Variants in MYH11 observed in about 807,000 individuals in gnomAD.
MYH11 encodes myosin-11.
A neutral mutation model predicts 246.6 loss-of-function variants in MYH11; 80 were observed. The ratio of observed to expected loss-of-function variants is 0.32; its 90% CI spans 0.27 to 0.39. The LOEUF (loss-of-function observed/expected upper bound fraction) is 0.39. Among genes scored for constraint, MYH11 ranks in the 10% least tolerant of loss-of-function variants. The pLI is 1.00. For missense variants in MYH11, 2,158 were observed against 2,546.8 expected (o/e 0.85, Z 3.29); for synonymous variants, 1,071 against 1,015.5 (o/e 1.05, Z -1.04).
At chr16:15,705,613 CTT>C (rs2151163680) in intron 40 of MYH11, among the ~76,000 whole-genome samples, 1 of 152,288 alleles carries the variant, frequency 6.6e-6, no homozygotes, top group Non-Finnish European at 1.5e-5. Flanking sequence ...AGAGAGCAGA[CTT>C]TTGCTCCCCA....
intron 1 of MYH11, among the ~76,000 whole-genome samples, chr16:15,856,573 C>T (rs1414105778): frequency 6.6e-6 from 1 of 151,680 alleles, no homozygotes; most frequent in African/African-American, 2.4e-5. Flanking sequence ...TCCAAGGGAG[C>T]ATATCTCCTG....
At chr16:15,794,956 G>A (rs1228057841) in intron 4 of MYH11, among the ~76,000 whole-genome samples, 2 of 152,166 alleles carry the variant, frequency 1.3e-5, no homozygotes, top group Admixed American at 1.3e-4. Context: ...CATGGGTGCA[G>A]GAAACCATTT....
Position 15,771,682 on chromosome 16 carries a change from T to C in MYH11, c.920A>G (p.Tyr307Cys), listed in dbSNP as rs368906359. ...CACAAAGCCATTGGAGAGGAAGGTG[T>C]AGTTGTTGAAGCCCTCCAAAAGCAA... ...SDLLLEGFNN[Y>C]TFLSNGFVPI... Residue 307 changes from tyrosine to cysteine, a missense_variant, in exon 9 of 41, where the codon TAC becomes TGC. Around this residue, in one of 11 missense-constraint regions of MYH11, gnomAD observed 75 missense variants for 70.0 expected, o/e 1.07. Coordinates refer to ENST00000300036, the MANE Select transcript of MYH11 (RefSeq NM_002474.3). The C allele has an allele frequency of 8.1e-6, 13 of 1,613,874 alleles. No homozygotes were observed. Among genetic ancestry groups the C allele is most frequent in the Non-Finnish European group, 1.0e-5 (12 of 1,179,996 alleles).
intron 9 of MYH11, among the ~76,000 whole-genome samples, chr16:15,769,107 G>A (rs953569041): frequency 1.3e-5 from 2 of 152,200 alleles, no homozygotes; most frequent in African/African-American, 4.8e-5. Context: ...GAGGTCAGGA[G>A]TTTAAGACCA....
At chr16:15,713,668 G>A (rs1466221075) in intron 40 of MYH11, 1 of 152,152 alleles carries the variant, frequency 6.6e-6, no homozygotes, top group Non-Finnish European at 1.5e-5. Flanking sequence ...GCTGATTTTT[G>A]TTTGTTTGTT....
At chr16:15,763,747 A>ACCCCCCCCC in intron 10 of MYH11, 49 bp downstream of exon 10, 4 of 349,142 alleles carry the variant, frequency 1.1e-5, no homozygotes, top group Middle Eastern at 3.8e-4. Flanking sequence ...CACCTCCCCC[A>ACCCCCCCCC]CCCCCCCAAC....
At chr16:15,718,018 A>G (rs1333749702) in intron 37 of MYH11, 2 of 495,396 alleles carry the variant, frequency 4.0e-6, no homozygotes, top group East Asian at 3.8e-5. Flanking sequence ...GCTAGGGGAA[A>G]ACGCAATGAA....
At chr16:15,815,514 G>T (rs1041002487) in intron 3 of MYH11, among the ~76,000 whole-genome samples, 1 of 152,018 alleles carries the variant, frequency 6.6e-6, no homozygotes, top group African/African-American at 2.4e-5. Flanking sequence ...AATGACAAAA[G>T]AAAGAGATTT....
chr16:15,819,478 G>A (rs113640288), intron 3 of MYH11, among the ~76,000 whole-genome samples: 2,020 of 152,030 alleles, frequency 0.013, 46 homozygotes, highest in African/African-American at 0.044. Context: ...GATCAGAGGC[G>A]GCATTAGACT....
rs199979025 is a variant in MYH11 at position 15,732,742 on chromosome 16, G to C, written c.3507-34C>G. On this transcript the variant is annotated intron_variant, in intron 26 of 40. Transcript: ENST00000300036. ...GAGGAACACAGTGAATGGCAGTTGGGTGGAGACAGAGGGTCATCTCAGTGC... is the reference window on the plus strand; with the variant it reads ...GAGGAACACAGTGAATGGCAGTTGGCTGGAGACAGAGGGTCATCTCAGTGC... 1.5e-5 allele frequency: 25 copies of C among 1,613,636 alleles called. No homozygotes were observed. The highest frequency in any genetic ancestry group is 1.6e-4 in the Middle Eastern group (1 of 6,082).
intron 12 of MYH11, among the ~76,000 whole-genome samples, chr16:15,758,331 G>C (rs2041784453): frequency 6.6e-6 from 1 of 152,166 alleles, no homozygotes; most frequent in Non-Finnish European, 1.5e-5. Flanking sequence ...GAGGCGCAGA[G>C]AGAAAGTGAC....
chr16:15,717,656 A>G (rs988399658), intron 37 of MYH11: 10 of 471,730 alleles, frequency 2.1e-5, no homozygotes, highest in African/African-American at 2.0e-4. Flanking sequence ...TTAGCCGGGC[A>G]GTGGTGGCAC....
At position 15,750,049 on chromosome 16, in the gene MYH11, G is replaced by T; in HGVS notation, c.2058+89C>A. ...ATGGAAAATGGGGTCCTCGGGGTAG[G>T]TGGGGGCAGAGGGCGCCCTGGGGAC... is the stretch of plus-strand genomic sequence containing the variant. On this transcript the variant is annotated intron_variant, in intron 16 of 40. Coordinates refer to ENST00000300036, the MANE Select transcript of MYH11 (RefSeq NM_002474.3). The surrounding 1 kb of genome is among the most constrained non-coding windows in gnomAD (Gnocchi z 4.3). 3.3e-6 allele frequency: 5 copies of T among 1,513,696 alleles called. No homozygotes were observed. Among genetic ancestry groups the T allele is most frequent in the African/African-American group, 2.7e-5 (2 of 73,162 alleles). 93.8% of individuals were successfully genotyped at this position (1,513,696 alleles called of 1,614,324 possible).
chr16:15,836,894 T>C (rs1167847726), intron 2 of MYH11, among the ~76,000 whole-genome samples: 1 of 151,874 alleles, frequency 6.6e-6, no homozygotes, highest in Non-Finnish European at 1.5e-5. Flanking sequence ...CTGGCTAATT[T>C]TGGCATTTTT....
chr16:15,718,001 A>G (rs1423037574), intron 37 of MYH11: 4 of 458,082 alleles, frequency 8.7e-6, no homozygotes, highest in South Asian at 2.1e-5. Context: ...ATAAGGTCAG[A>G]GCTTCAGCTA....
At chr16:15,856,134 C>T (rs13338347) in intron 1 of MYH11, among the ~76,000 whole-genome samples, 29,068 of 151,670 alleles carry the variant, frequency 0.19, 3,392 homozygotes, top group East Asian at 0.43. Flanking sequence ...TCTTACCTAA[C>T]GCACCTGCAG....
rs575102350 is a variant in MYH11, at chr16:15,839,146, A to G, written c.-17-877T>C. ...AATCACCTGAGCCTGGGAGGTCAAGATTGCAGTGAGCCAAGATCAAGCCAC... is the reference window on the plus strand; with the variant it reads ...AATCACCTGAGCCTGGGAGGTCAAGGTTGCAGTGAGCCAAGATCAAGCCAC... On this transcript the variant is annotated intron_variant, in intron 1 of 40. Coordinates refer to ENST00000300036, the MANE Select transcript of MYH11 (RefSeq NM_002474.3). Among the ~76,000 whole-genome samples the G allele has an allele frequency of 9.9e-5, 14 of 142,022 alleles. No homozygotes were observed. In the East Asian group the frequency reaches 3.2e-3, roughly 32 times the overall value. 93.2% of individuals were successfully genotyped at this position (142,022 alleles called of 152,430 possible).
rs2041268817 is a variant in MYH11 at position 15,741,447 on chromosome 16, C to T, written c.2859+16G>A. On this transcript the variant is annotated intron_variant, in intron 22 of 40. Coordinates refer to ENST00000300036, the MANE Select transcript of MYH11 (RefSeq NM_002474.3). ...TGATTTGCTACCCACCACGGGCTGC[C>T]CCTGTGACACCTTACCAGCATCTGC... is the stretch of plus-strand genomic sequence containing the variant. The T allele has an allele frequency of 6.2e-7, 1 of 1,605,960 alleles. No individual in the cohort carries two copies. The highest frequency in any genetic ancestry group is 8.5e-7 in the Non-Finnish European group (1 of 1,179,806).
At chr16:15,788,077 CTTTT>C (rs1555569336) in intron 4 of MYH11, among the ~76,000 whole-genome samples, 2 of 55,370 alleles carry the variant, frequency 3.6e-5, no homozygotes, top group Non-Finnish European at 3.7e-5. Flanking sequence ...GAAGGTAGAT[CTTTT>C]TTTTTTTTTT....
Sources: allele counts gnomAD v4.1 joint callset (sites outside exome capture counted in the v4.1 genomes callset), GRCh38; gene constraint gnomAD v4.1.1; regional missense constraint gnomAD v4.1.1; non-coding constraint Gnocchi (gnomAD v3.1); transcripts MANE v1.5; gene names NCBI Gene and HGNC (gene_info 2026-07-23, HGNC 2026-07-21).